Variants in CNTNAP4 observed in about 807,000 individuals in gnomAD.
CNTNAP4 encodes contactin associated protein family member 4, also known as contactin-associated protein-like 4.
CNTNAP4 carries 98 observed loss-of-function variants against 148.4 expected under a neutral mutation model. The ratio of observed to expected loss-of-function variants is 0.66; its 90% CI spans 0.56 to 0.78. CNTNAP4 has a LOEUF of 0.78. Ranked by LOEUF, CNTNAP4 falls within the 30% of genes least tolerant of loss-of-function variation. The pLI is 0.00. For synonymous variants in CNTNAP4, 730 were observed against 565.1 expected, an observed-to-expected ratio of 1.29 and a Z score of -4.14; for missense variants, 1,935 against 1,565.6, an observed-to-expected ratio of 1.24 and a Z score of -3.98.
rs553101905 is a variant in CNTNAP4, at chr16:76,521,204, C to T, written c.2430C>T (p.His810=). ...EASYLHFPTF[H]GELSADVSFF... is the part of the protein sequence containing the mutation. ...CATATCTTCATTTTCCTACCTTCCACGGAGAACTTAGCGCGGATGTATCTT... is the reference window on the plus strand; with the variant it reads ...CATATCTTCATTTTCCTACCTTCCATGGAGAACTTAGCGCGGATGTATCTT... Residue 810 remains histidine (H), a synonymous_variant, in exon 16 of 24, where the codon CAC becomes CAT. Transcript: ENST00000611870. The T allele has an allele frequency of 8.1e-6, 13 of 1,611,706 alleles. No homozygotes were observed. Among genetic ancestry groups the T allele is most frequent in the African/African-American group, 5.4e-5 (4 of 74,754 alleles).
intron 1 of CNTNAP4, among the ~76,000 whole-genome samples, chr16:76,296,466 A>G (rs1342651209): frequency 1.3e-5 from 2 of 152,224 alleles, no homozygotes; most frequent in African/African-American, 4.8e-5. Context: ...TAAAAAGAGA[A>G]TTTGGTAAAA....
chr16:76,421,764 C>G (rs534448425), intron 3 of CNTNAP4, among the ~76,000 whole-genome samples: 63 of 152,250 alleles, frequency 4.1e-4, no homozygotes, highest in African/African-American at 1.5e-3. Flanking sequence ...AGAATTCTCA[C>G]AACAAGGGAG....
chr16:76,522,909 C>G (rs1423927119), intron 17 of CNTNAP4, among the ~76,000 whole-genome samples: 2 of 151,422 alleles, frequency 1.3e-5, no homozygotes, highest in Non-Finnish European at 2.9e-5. Context: ...ATTACAGGTA[C>G]CTACCACTAC....
chr16:76,305,239 C>G (rs1960358619), intron 1 of CNTNAP4, among the ~76,000 whole-genome samples: 1 of 152,104 alleles, frequency 6.6e-6, no homozygotes, highest in African/African-American at 2.4e-5. Context: ...ATGTCTGTGA[C>G]AATTTCCTGG....
At chr16:76,376,712 C>T (rs2015450710) in intron 3 of CNTNAP4, among the ~76,000 whole-genome samples, 1 of 152,000 alleles carries the variant, frequency 6.6e-6, no homozygotes, top group Non-Finnish European at 1.5e-5. Flanking sequence ...CATTTAGGAC[C>T]CAGGGTTGGA....
chr16:76,471,727 G>C (rs1455650735), intron 10 of CNTNAP4, among the ~76,000 whole-genome samples: 1 of 152,150 alleles, frequency 6.6e-6, no homozygotes, highest in Non-Finnish European at 1.5e-5. Flanking sequence ...TTGATTTGAA[G>C]ATCGTGGTGT....
At chr16:76,553,956 T>A (rs776457269) in intron 23 of CNTNAP4, 49 bp downstream of exon 23, 4 of 1,137,854 alleles carry the variant, frequency 3.5e-6, no homozygotes, top group African/African-American at 1.5e-5. Flanking sequence ...TTATTAATAA[T>A]GATGATGAAT....
At chr16:76,522,015 A>G (rs763995214) in intron 16 of CNTNAP4, 24 bp from the exon 17 acceptor site, 4 of 1,609,952 alleles carry the variant, frequency 2.5e-6, no homozygotes, top group South Asian at 2.2e-5. Context: ...TCACTAGAAC[A>G]ATCTTTATGT....
chr16:76,307,271 A>G lies in CNTNAP4; in HGVS notation c.86-9142A>G, dbSNP rs139897417. Among the ~76,000 whole-genome samples, 438 of 152,042 alleles carry G rather than the reference A, an allele frequency of 2.9e-3. 2 individuals carry two copies. Among genetic ancestry groups the G allele is most frequent in the African/African-American group, 9.9e-3 (410 of 41,434 alleles). ...GCAGGTATTGAGAATGGATAACAAC[A>G]TATGGAAAACATTGTTTGACTGCAT... On this transcript the variant is annotated intron_variant, in intron 1 of 23. Transcript: ENST00000611870.
chr16:76,314,563 A>T (rs1316108275), intron 1 of CNTNAP4, among the ~76,000 whole-genome samples: 2 of 152,200 alleles, frequency 1.3e-5, no homozygotes, highest in Admixed American at 1.3e-4. Flanking sequence ...GCAAGAATCA[A>T]TGAATATCTT....
At chr16:76,373,897 C>CAAAAA (rs71382634) in intron 3 of CNTNAP4, among the ~76,000 whole-genome samples, 13 of 112,028 alleles carry the variant, frequency 1.2e-4, no homozygotes, top group Admixed American at 1.9e-4. Context: ...CTCCATCTCA[C>CAAAAA]AAAAAAAAAA....
chr16:76,325,929 T>TA (rs1029214323), intron 2 of CNTNAP4, among the ~76,000 whole-genome samples: 1 of 151,746 alleles, frequency 6.6e-6, no homozygotes, highest in East Asian at 1.9e-4. Flanking sequence ...ACTCAATAAA[T>TA]AAAAAAAATT....
intron 3 of CNTNAP4, among the ~76,000 whole-genome samples, chr16:76,361,350 G>C (rs190440338): frequency 4.6e-4 from 70 of 152,138 alleles, no homozygotes; most frequent in African/African-American, 1.7e-3. Flanking sequence ...TGCCTCTATA[G>C]ATTTGACTAT....
chr16:76,285,189 C>T (rs1567576461), intron 1 of CNTNAP4, among the ~76,000 whole-genome samples: 1 of 151,792 alleles, frequency 6.6e-6, no homozygotes, highest in East Asian at 1.9e-4. Context: ...AGTGAATTTT[C>T]ATTATGGTTC....
chr16:76,456,219 AAC>A (rs1318912670), intron 8 of CNTNAP4, among the ~76,000 whole-genome samples: 2 of 152,224 alleles, frequency 1.3e-5, no homozygotes, highest in Non-Finnish European at 1.5e-5. Context: ...CCTGGAAACC[AAC>A]GGTTGTCTGA....
chr16:76,337,013 G>T (rs1241760781), intron 2 of CNTNAP4, among the ~76,000 whole-genome samples: 1 of 152,116 alleles, frequency 6.6e-6, no homozygotes. Context: ...TGTCAAGCTG[G>T]TTATAGCTTG....
intron 4 of CNTNAP4, among the ~76,000 whole-genome samples, chr16:76,434,510 A>G (rs1443562244): frequency 6.6e-6 from 1 of 152,214 alleles, no homozygotes; most frequent in African/African-American, 2.4e-5. Context: ...TTAAGCTTAC[A>G]ATAATCCGCT....
intron 3 of CNTNAP4, among the ~76,000 whole-genome samples, chr16:76,360,815 AT>A (rs397745852): frequency 4.0e-3 from 493 of 122,296 alleles, no homozygotes; most frequent in African/African-American, 0.012. Flanking sequence ...ACATGGCTGC[AT>A]TTTTTTTTTT....
At chr16:76,311,847 T>A (rs543961900) in intron 1 of CNTNAP4, among the ~76,000 whole-genome samples, 250 of 152,334 alleles carry the variant, frequency 1.6e-3, no homozygotes, top group African/African-American at 5.8e-3. Flanking sequence ...ATCTTGTCTG[T>A]GGCTCAGCAG....
Sources: allele counts gnomAD v4.1 joint callset (sites outside exome capture counted in the v4.1 genomes callset), GRCh38; gene constraint gnomAD v4.1.1; transcripts MANE v1.5; gene names NCBI Gene and HGNC (gene_info 2026-07-23, HGNC 2026-07-21).